LYPLAL1: variants seen among roughly 807,000 people sequenced by gnomAD.
LYPLAL1 encodes lysophospholipase-like protein 1.
LYPLAL1 carries 23 observed loss-of-function variants against 19.7 expected under a neutral mutation model. The ratio of observed to expected loss-of-function variants is 1.17; its 90% CI spans 0.84 to 1.65. LYPLAL1 has a LOEUF of 1.65. Ranked by LOEUF, LYPLAL1 falls within the 40% of genes most tolerant of loss-of-function variation. LYPLAL1 has a pLI of 0.00. For missense variants in LYPLAL1, 355 were observed against 279.4 expected (o/e 1.27, Z -1.93); for synonymous variants, 119 against 96.3 (o/e 1.24, Z -1.38).
At chr1:219,224,054 A>G in the LYPLAL1 span, among the ~76,000 whole-genome samples, 2 of 152,140 alleles carry the variant, frequency 1.3e-5, no homozygotes, top group Non-Finnish European at 1.5e-5. Flanking sequence ...TAACATATTA[A>G]TTTTGGCAAC....
rs1264389671 is a variant in LYPLAL1, at chr1:219,212,301, A to G, written c.*573A>G. The G allele has an allele frequency of 3.3e-5, 5 of 152,088 alleles. No homozygotes were observed. Among genetic ancestry groups the G allele is most frequent in the Non-Finnish European group, 7.4e-5 (5 of 67,970 alleles). The allele number at this position is 152,088 out of a possible 1,614,324, so 9.4% of individuals were successfully genotyped here. On this transcript the variant is annotated 3_prime_UTR_variant, in exon 5 of 5. Transcript: ENST00000366928. The stretch of plus-strand genomic sequence containing the variant: ...AAGAAATTCAGGTCTCCTAATTCTC[A>G]GTGGAGCTCTATTTCTGTTAACCCA...
At chr1:219,362,102 C>T in the LYPLAL1 span, among the ~76,000 whole-genome samples, 1 of 152,116 alleles carries the variant, frequency 6.6e-6, no homozygotes, top group Non-Finnish European at 1.5e-5. Context: ...ACTCCAAGAA[C>T]TTTTACTAAA....
At chr1:219,174,852 A>C (rs1394526819) in intron 1 of LYPLAL1, 1 of 972,160 alleles carries the variant, frequency 1.0e-6, no homozygotes. Flanking sequence ...AAAAACAAAA[A>C]CAATCCAATT....
chr1:219,411,038 C>G, the LYPLAL1 span, among the ~76,000 whole-genome samples: 1 of 152,212 alleles, frequency 6.6e-6, no homozygotes, highest in African/African-American at 2.4e-5. Context: ...GGAATGCGAG[C>G]GCACGGCACA....
At chr1:219,190,574 A>G (rs562769098) in intron 2 of LYPLAL1, among the ~76,000 whole-genome samples, 1 of 126,484 alleles carries the variant, frequency 7.9e-6, no homozygotes, top group Admixed American at 8.8e-5. Context: ...AGAAATTTAA[A>G]TTTTTTTTTA....
downstream of LYPLAL1, among the ~76,000 whole-genome samples, chr1:219,217,379 G>GGGGGGTGTGTGTGTGTGTGTGT (rs1553304603): frequency 7.5e-6 from 1 of 134,048 alleles, no homozygotes; most frequent in African/African-American, 2.7e-5. Context: ...TGCCAGGTTT[G>GGGGGGTGTGTGTGTGTGTGTGT]GTGTGTGTGT....
chr1:219,250,033 A>C, the LYPLAL1 span, among the ~76,000 whole-genome samples: 13 of 152,038 alleles, frequency 8.6e-5, no homozygotes, highest in African/African-American at 3.1e-4. Flanking sequence ...ATTTAAGCCA[A>C]TTTATTAATT....
the LYPLAL1 span, among the ~76,000 whole-genome samples, chr1:219,231,896 A>G: frequency 2.0e-5 from 3 of 152,204 alleles, no homozygotes; most frequent in Non-Finnish European, 4.4e-5. Flanking sequence ...TCTATGTGGC[A>G]TATACTAGCT....
intron 2 of LYPLAL1, among the ~76,000 whole-genome samples, chr1:219,191,439 C>A (rs1028025625): frequency 6.6e-6 from 1 of 151,502 alleles, no homozygotes; most frequent in South Asian, 2.1e-4. Flanking sequence ...TAAGTTAGAA[C>A]TGTAACTGAT....
chr1:219,321,526 T>A, the LYPLAL1 span, among the ~76,000 whole-genome samples: 1 of 152,220 alleles, frequency 6.6e-6, no homozygotes, highest in Admixed American at 6.5e-5. Flanking sequence ...CATGTCTATG[T>A]CCTGAATGGT....
chr1:219,188,832 C>T (rs184088545), intron 2 of LYPLAL1, among the ~76,000 whole-genome samples: 1,844 of 151,466 alleles, frequency 0.012, 34 homozygotes, highest in African/African-American at 0.042. Context: ...AGTTTTATAC[C>T]AGCTAATAAA....
chr1:219,393,968 A>G, the LYPLAL1 span, among the ~76,000 whole-genome samples: 1 of 151,866 alleles, frequency 6.6e-6, no homozygotes, highest in African/African-American at 2.4e-5. Context: ...AAATGTTTTT[A>G]TGTTTTTGTA....
the LYPLAL1 span, among the ~76,000 whole-genome samples, chr1:219,362,068 G>A: frequency 6.6e-6 from 1 of 152,058 alleles, no homozygotes; most frequent in Non-Finnish European, 1.5e-5. Flanking sequence ...CGTTTTGATA[G>A]ATTAATAGAA....
At chr1:219,319,389 G>T in the LYPLAL1 span, among the ~76,000 whole-genome samples, 9 of 152,226 alleles carry the variant, frequency 5.9e-5, no homozygotes, top group African/African-American at 1.9e-4. Flanking sequence ...AATGGGGAGT[G>T]CTTCCTGGCT....
chr1:219,400,454 T>C, the LYPLAL1 span, among the ~76,000 whole-genome samples: 1 of 151,938 alleles, frequency 6.6e-6, no homozygotes, highest in East Asian at 1.9e-4. Flanking sequence ...AGTAAACTCA[T>C]GGCAAAGCTG....
At chr1:219,381,038 C>G in the LYPLAL1 span, among the ~76,000 whole-genome samples, 1 of 152,158 alleles carries the variant, frequency 6.6e-6, no homozygotes, top group African/African-American at 2.4e-5. Context: ...AACCCAGCAT[C>G]AGCTCTGATA....
the LYPLAL1 span, among the ~76,000 whole-genome samples, chr1:219,395,845 T>C: frequency 1.3e-5 from 2 of 152,290 alleles, no homozygotes; most frequent in East Asian, 3.9e-4. Context: ...GGCTCACACC[T>C]GTAATCCCAG....
chr1:219,266,284 C>T, the LYPLAL1 span, among the ~76,000 whole-genome samples: 1 of 151,962 alleles, frequency 6.6e-6, no homozygotes, highest in African/African-American at 2.4e-5. Context: ...TTTTCTTGTA[C>T]TTTTCAAACT....
intron 2 of LYPLAL1, among the ~76,000 whole-genome samples, chr1:219,190,577 T>A (rs892024131): frequency 6.8e-6 from 1 of 147,914 alleles, no homozygotes; most frequent in Non-Finnish European, 1.5e-5. Flanking sequence ...AATTTAAATT[T>A]TTTTTTAAAA....
Sources: allele counts gnomAD v4.1 joint callset (sites outside exome capture counted in the v4.1 genomes callset), GRCh38; gene constraint gnomAD v4.1.1; transcripts MANE v1.5; gene names NCBI Gene and HGNC (gene_info 2026-07-23, HGNC 2026-07-21).